UGCG: variants seen among roughly 807,000 people sequenced by gnomAD.
The protein encoded by UGCG is UDP-glucose ceramide glucosyltransferase, also known as ceramide glucosyltransferase.
UGCG carries 10 observed loss-of-function variants against 49.5 expected under a neutral mutation model. That is an observed-to-expected ratio of 0.20 (90% CI 0.12 to 0.34). UGCG has a LOEUF of 0.34. Ranked by LOEUF, UGCG falls within the 10% of genes least tolerant of loss-of-function variation. The pLI is 1.00. For synonymous variants in UGCG, 182 were observed against 158.2 expected (o/e 1.15, Z -1.13); for missense variants, 312 against 483.7 (o/e 0.65, Z 3.33).
intron 3 of UGCG, 39 bp downstream of exon 3, chr9:111,922,990 A>G (rs1167500364): frequency 7.6e-7 from 1 of 1,317,764 alleles, no homozygotes; most frequent in Non-Finnish European, 1.1e-6. Context: ...TTCCATTGAT[A>G]GTATTAAGTA....
At chr9:111,901,138 C>T (rs1473791051) in intron 1 of UGCG, among the ~76,000 whole-genome samples, 2 of 152,210 alleles carry the variant, frequency 1.3e-5, no homozygotes, top group Non-Finnish European at 2.9e-5. Context: ...CTCTAATGTA[C>T]AGCAACTTCA....
At chr9:111,911,765 G>A (rs1349582517) in intron 1 of UGCG, among the ~76,000 whole-genome samples, 2 of 151,370 alleles carry the variant, frequency 1.3e-5, no homozygotes, top group Non-Finnish European at 2.9e-5. Context: ...CTGGTGTGGT[G>A]GAGTGTACCT....
Position 111,932,167 on chromosome 9 carries a change from C to A in UGCG, c.825-3C>A, listed in dbSNP as rs1169959989. 1 of 1,605,556 alleles carries A rather than the reference C, an allele frequency of 6.2e-7. No individual in the cohort carries two copies. Among genetic ancestry groups the A allele is most frequent in the African/African-American group, 1.4e-5 (1 of 73,928 alleles). On this transcript the variant is annotated splice_region_variant and splice_polypyrimidine_tract_variant and intron_variant, in intron 7 of 8. Coordinates refer to ENST00000374279, the MANE Select transcript of UGCG (RefSeq NM_003358.3). ...TTAAAGAAAATCCTTTTTGTTTTTCCAGGTGGACCAAACTACGAATTAACA... is the reference window on the plus strand; with the variant it reads ...TTAAAGAAAATCCTTTTTGTTTTTCAAGGTGGACCAAACTACGAATTAACA...
intron 1 of UGCG, among the ~76,000 whole-genome samples, chr9:111,905,906 A>G (rs1221934322): frequency 6.6e-6 from 1 of 152,118 alleles, no homozygotes; most frequent in Non-Finnish European, 1.5e-5. Flanking sequence ...AGCTCTCTGT[A>G]TCTGTTTATT....
At chr9:111,898,335 A>G (rs184013567) in intron 1 of UGCG, among the ~76,000 whole-genome samples, 4 of 152,178 alleles carry the variant, frequency 2.6e-5, no homozygotes, top group African/African-American at 9.6e-5. Flanking sequence ...ACCATGAACT[A>G]GAATAGAGTG....
intron 2 of UGCG, among the ~76,000 whole-genome samples, chr9:111,917,488 TG>T (rs1268204799): frequency 6.6e-6 from 1 of 152,264 alleles, no homozygotes; most frequent in Non-Finnish European, 1.5e-5. Flanking sequence ...ATTTGCATTT[TG>T]CCTGGTGTGA....
At chr9:111,928,285 A>G (rs920620924) in intron 5 of UGCG, among the ~76,000 whole-genome samples, 1 of 152,228 alleles carries the variant, frequency 6.6e-6, no homozygotes, top group African/African-American at 2.4e-5. Flanking sequence ...TTTTGTTTAG[A>G]AAAAGAAACT....
intron 2 of UGCG, among the ~76,000 whole-genome samples, chr9:111,921,609 C>T (rs1838222087): frequency 6.6e-6 from 1 of 150,770 alleles, no homozygotes; most frequent in Non-Finnish European, 1.5e-5. Context: ...TGAGATCATG[C>T]CACTGCACTC....
chr9:111,916,365 T>C (rs1488260214), intron 2 of UGCG, among the ~76,000 whole-genome samples: 1 of 152,226 alleles, frequency 6.6e-6, no homozygotes, highest in African/African-American at 2.4e-5. Context: ...CTCTTAAAAT[T>C]GGTCATGGAA....
chr9:111,923,507 A>G (rs577968753), intron 3 of UGCG, among the ~76,000 whole-genome samples: 3 of 150,296 alleles, frequency 2.0e-5, no homozygotes, highest in South Asian at 4.1e-4. Flanking sequence ...GAAAATTAAT[A>G]TAAGTGTAGC....
In UGCG at chr9:111,915,705, G is replaced by A. The variant is rs142443616; in HGVS notation, c.240+959G>A. 5.7e-4 allele frequency: 461 copies of A among 811,138 alleles called. 1 individual carries two copies. The African/African-American group carries it at 7.3e-3, about 13-fold the overall frequency. 50.2% of individuals were successfully genotyped at this position (811,138 alleles called of 1,614,324 possible). ...AATAATCAGAAGGAAGATGATATGC[G>A]CACTACACTTCTTATGGTGACTGGT... is the stretch of plus-strand genomic sequence containing the variant. On this transcript the variant is annotated intron_variant, in intron 2 of 8. Transcript: ENST00000374279.
chr9:111,924,583 A>G lies in UGCG; in HGVS notation c.344-194A>G, dbSNP rs1363650518. Among the ~76,000 whole-genome samples, 3 of 152,174 alleles carry G rather than the reference A, an allele frequency of 2.0e-5. No individual in the cohort carries two copies. In the East Asian group the frequency reaches 5.8e-4, roughly 29 times the overall value. ...AACAGTGAATTTTCAAAGATAAATG[A>G]TACAGTTTTCCTTTTGAGAATGGAC... On this transcript the variant is annotated intron_variant, in intron 3 of 8. Transcript: ENST00000374279.
chr9:111,909,729 G>A (rs1837960780), intron 1 of UGCG, among the ~76,000 whole-genome samples: 1 of 152,008 alleles, frequency 6.6e-6, no homozygotes, highest in Admixed American at 6.5e-5. Flanking sequence ...TGTTTATTTG[G>A]TGACTTAATG....
At chr9:111,929,777 T>G in intron 6 of UGCG, 99 bp downstream of exon 6, 1 of 1,415,024 alleles carries the variant, frequency 7.1e-7, no homozygotes, top group Non-Finnish European at 9.6e-7. Flanking sequence ...TAATTTAATT[T>G]TATTTTTTTT....
At chr9:111,929,474 A>G (rs952751961) in intron 5 of UGCG, 26 bp from the exon 6 acceptor site, 2 of 1,595,018 alleles carry the variant, frequency 1.3e-6, no homozygotes, top group Non-Finnish European at 1.7e-6. Context: ...AATTCTAATC[A>G]TACACGTTTG....
At chr9:111,912,888 G>A (rs1476670323) in intron 1 of UGCG, among the ~76,000 whole-genome samples, 1 of 150,844 alleles carries the variant, frequency 6.6e-6, no homozygotes, top group Non-Finnish European at 1.5e-5. Context: ...TTGTAAACCT[G>A]GTGTGTGTGT....
intron 1 of UGCG, among the ~76,000 whole-genome samples, chr9:111,913,540 C>G (rs1838056644): frequency 6.6e-6 from 1 of 151,912 alleles, no homozygotes; most frequent in Admixed American, 6.6e-5. Flanking sequence ...TCAAGTGATT[C>G]TTCTGCCTCA....
At chr9:111,913,379 C>T (rs914224766) in intron 1 of UGCG, among the ~76,000 whole-genome samples, 2 of 152,124 alleles carry the variant, frequency 1.3e-5, no homozygotes, top group Non-Finnish European at 1.5e-5. Context: ...TATTGAATGG[C>T]ATCTTGTTGC....
chr9:111,914,646 A>T lies in UGCG; in HGVS notation c.140A>T (p.Tyr47Phe), dbSNP rs904346823. The T allele has an allele frequency of 6.2e-7, 1 of 1,614,058 alleles. No homozygotes were observed. Among genetic ancestry groups the T allele is most frequent in the African/African-American group, 1.3e-5 (1 of 74,948 alleles). ...AAGAAGGCAACTGACAAACAGCCTT[A>T]TAGCAAGCTCCCAGGTGTCTCTCTT... ...LNKKATDKQPYSKLPGVSLLK... is the reference protein window; with the variant it reads ...LNKKATDKQPFSKLPGVSLLK... The change falls in exon 2 of 9, where the codon TAT (tyrosine) becomes TTT (phenylalanine). Residue 47 changes from tyrosine (Y) to phenylalanine (F), a missense_variant. Transcript: ENST00000374279.
Sources: gnomAD v4.1 joint callset for allele counts (sites outside exome capture counted in the v4.1 genomes callset) on GRCh38, gnomAD v4.1.1 for gene constraint, MANE v1.5 for transcripts, NCBI Gene and HGNC (gene_info 2026-07-23, HGNC 2026-07-21) for gene names.